Variants in PIK3R1 observed in about 807,000 individuals in gnomAD.
PIK3R1 encodes phosphoinositide-3-kinase regulatory subunit 1.
A neutral mutation model predicts 98.0 loss-of-function variants in PIK3R1; 29 were observed. The observed-to-expected ratio is 0.30, with a 90% CI of 0.22 to 0.40. PIK3R1 has a LOEUF of 0.40. Among genes scored for constraint, PIK3R1 ranks in the 10% least tolerant of loss-of-function variants. The pLI is 1.00. For missense variants in PIK3R1, 596 were observed against 872.7 expected, an observed-to-expected ratio of 0.68 and a Z score of 3.99; for synonymous variants, 282 against 311.8, an observed-to-expected ratio of 0.90 and a Z score of 1.01.
intron 2 of PIK3R1, among the ~76,000 whole-genome samples, chr5:68,231,029 AG>A (rs1744451364): frequency 6.6e-6 from 1 of 152,190 alleles, no homozygotes; most frequent in Non-Finnish European, 1.5e-5. Flanking sequence ...CCATTCAGCC[AG>A]GGTCCTGTAT....
At chr5:68,230,606 A>G (rs1157001573) in intron 2 of PIK3R1, among the ~76,000 whole-genome samples, 1 of 151,922 alleles carries the variant, frequency 6.6e-6, no homozygotes, top group African/African-American at 2.4e-5. Context: ...AGAACTCTTT[A>G]TTTTCTTCCC....
intron 2 of PIK3R1, among the ~76,000 whole-genome samples, chr5:68,236,956 A>G (rs1478867605): frequency 2.0e-5 from 3 of 152,252 alleles, no homozygotes; most frequent in Admixed American, 6.5e-5. Flanking sequence ...TTTTCTCAGG[A>G]AGAAATACAC....
chr5:68,255,192 C>T lies in PIK3R1; in HGVS notation c.335-18198C>T, dbSNP rs188225248. ...ATGACCAAAGGAGAATTGTTTCAGT[C>T]CCTGATTTGCAAAGTACTCACTTTT... On this transcript the variant is annotated intron_variant, in intron 2 of 15. Transcript: ENST00000521381. 5.9e-5 allele frequency among the ~76,000 whole-genome samples: 9 copies of T among 152,320 alleles called. No individual in the cohort carries two copies. The East Asian group carries it at 1.5e-3, about 26-fold the overall frequency.
Position 68,300,120 on chromosome 5 carries a change from T to C in PIK3R1, c.*2519T>C. 1 of 233,162 alleles carries C rather than the reference T, an allele frequency of 4.3e-6. No individual in the cohort carries two copies. The highest frequency in any genetic ancestry group is 5.6e-5 in the Admixed American group (1 of 17,782). 14.4% of individuals were successfully genotyped at this position (233,162 alleles called of 1,614,324 possible). A position where few individuals can be genotyped will look rare whatever the true frequency, so the allele number is the denominator to read the frequency against. ...GCTACAGTTTTGTGAATCTTTGTGC[T>C]TCAACATTCTTTGCAAGATGATACG... On this transcript the variant is annotated 3_prime_UTR_variant, in exon 16 of 16. Transcript: ENST00000521381.
intron 2 of PIK3R1, among the ~76,000 whole-genome samples, chr5:68,267,048 C>G (rs1746148663): frequency 6.6e-6 from 1 of 152,118 alleles, no homozygotes; most frequent in South Asian, 2.1e-4. Flanking sequence ...TCATTGGCTT[C>G]AAAAATCCTG....
At chr5:68,290,687 C>A in intron 7 of PIK3R1, 1 of 1,584,282 alleles carries the variant, frequency 6.3e-7, no homozygotes, top group South Asian at 1.2e-5. Context: ...AAGCCGGACT[C>A]TTTTCTTATA....
rs1030937090 is a variant in PIK3R1 at position 68,299,510 on chromosome 5, A to G, written c.*1909A>G. 8 of 233,212 alleles carry G rather than the reference A, an allele frequency of 3.4e-5. No individual in the cohort carries two copies. In the East Asian group the frequency reaches 4.2e-4, roughly 12 times the overall value. The allele number at this position is 233,212 out of a possible 1,614,324, so 14.4% of individuals were successfully genotyped here. ...AGAGGTCTCTCTTCCTGATTTAGATATGCAAAAGCTGGTATGTTCAGTAGG... is the reference window on the plus strand; with the variant it reads ...AGAGGTCTCTCTTCCTGATTTAGATGTGCAAAAGCTGGTATGTTCAGTAGG... On this transcript the variant is annotated 3_prime_UTR_variant, in exon 16 of 16. Coordinates refer to ENST00000521381, the MANE Select transcript of PIK3R1 (RefSeq NM_181523.3).
At chr5:68,254,567 G>A (rs1427278644) in intron 2 of PIK3R1, among the ~76,000 whole-genome samples, 2 of 152,202 alleles carry the variant, frequency 1.3e-5, no homozygotes, top group Non-Finnish European at 2.9e-5. Flanking sequence ...TCAATAAACA[G>A]TGACCTCATG....
intron 2 of PIK3R1, among the ~76,000 whole-genome samples, chr5:68,253,973 C>T (rs530102246): frequency 1.4e-5 from 2 of 140,924 alleles, no homozygotes; most frequent in East Asian, 4.2e-4. Context: ...TTTATTTTCC[C>T]GTGGACCCCC....
intron 2 of PIK3R1, among the ~76,000 whole-genome samples, chr5:68,245,098 T>A (rs983872613): frequency 2.0e-5 from 3 of 152,220 alleles, no homozygotes; most frequent in African/African-American, 7.2e-5. Flanking sequence ...GATTTCAACA[T>A]TGGAAAAGAA....
intron 2 of PIK3R1, among the ~76,000 whole-genome samples, chr5:68,243,951 G>C (rs978256553): frequency 1.3e-5 from 2 of 152,116 alleles, no homozygotes; most frequent in Non-Finnish European, 2.9e-5. Context: ...TAGGTATTCT[G>C]TTCTCTTACA....
intron 2 of PIK3R1, among the ~76,000 whole-genome samples, chr5:68,256,079 C>T (rs537066990): frequency 2.3e-4 from 35 of 152,156 alleles, no homozygotes; most frequent in Admixed American, 4.6e-4. Flanking sequence ...TTCAAAGCAA[C>T]CTTGATTCCT....
At chr5:68,292,180 A>T (rs1580259927) in intron 7 of PIK3R1, 79 bp from the exon 8 acceptor site, 2 of 804,966 alleles carry the variant, frequency 2.5e-6, no homozygotes, top group Admixed American at 2.4e-5. Flanking sequence ...TTATTTTTTT[A>T]AAGTAAAAGT....
rs964471603 is a variant in PIK3R1, at chr5:68,301,288, C to T, written c.*3687C>T. 54 of 180,694 alleles carry T rather than the reference C, an allele frequency of 3.0e-4. No homozygotes were observed. The highest frequency in any genetic ancestry group is 1.2e-3 in the African/African-American group (49 of 40,358). The allele number at this position is 180,694 out of a possible 1,614,324, so 11.2% of individuals were successfully genotyped here. On this transcript the variant is annotated 3_prime_UTR_variant, in exon 16 of 16. Coordinates refer to ENST00000521381, the MANE Select transcript of PIK3R1 (RefSeq NM_181523.3). Reference sequence around the variant, plus strand: ...AATTGAGTCAATTGGAAAGACTATCCAACTTAACATGAAACTTGTCACCAT... The same window carrying T: ...AATTGAGTCAATTGGAAAGACTATCTAACTTAACATGAAACTTGTCACCAT...
chr5:68,230,894 AGT>A (rs1250859093), intron 2 of PIK3R1, among the ~76,000 whole-genome samples: 3 of 152,180 alleles, frequency 2.0e-5, no homozygotes, highest in Non-Finnish European at 4.4e-5. Flanking sequence ...TTGGATAAAG[AGT>A]GTGCTGGGTG....
rs1747917481 is a variant in PIK3R1 at position 68,299,431 on chromosome 5, T to C, written c.*1830T>C. ...ATTCTAATCATTGTATGTGCTTCAC[T>C]ACGGGGGGGAGAAGGAAACGTTAGC... On this transcript the variant is annotated 3_prime_UTR_variant, in exon 16 of 16. Transcript: ENST00000521381. 3 of 233,380 alleles carry C rather than the reference T, an allele frequency of 1.3e-5. No homozygotes were observed. The highest frequency in any genetic ancestry group is 2.2e-5 in the African/African-American group (1 of 45,322). 14.5% of individuals were successfully genotyped at this position (233,380 alleles called of 1,614,324 possible). A position where few individuals can be genotyped will look rare whatever the true frequency, so the allele number is the denominator to read the frequency against.
At chr5:68,229,273 A>G (rs1212783310) in intron 2 of PIK3R1, among the ~76,000 whole-genome samples, 1 of 152,204 alleles carries the variant, frequency 6.6e-6, no homozygotes, top group Non-Finnish European at 1.5e-5. Context: ...GAAAGTAGTT[A>G]TAAGGACAAA....
chr5:68,280,857 T>C (rs1316059351), intron 6 of PIK3R1, 70 bp from the exon 7 acceptor site: 3 of 1,248,720 alleles, frequency 2.4e-6, no homozygotes, highest in African/African-American at 1.5e-5. Context: ...ACACATTCAC[T>C]TGAGTGTATA....
At chr5:68,288,381 G>T in intron 7 of PIK3R1, 1 of 1,131,364 alleles carries the variant, frequency 8.8e-7, no homozygotes, top group South Asian at 3.6e-5. Flanking sequence ...TTTATCTAAG[G>T]GAGACGTGCG....
Sources: allele counts gnomAD v4.1 joint callset (sites outside exome capture counted in the v4.1 genomes callset), GRCh38; gene constraint gnomAD v4.1.1; transcripts MANE v1.5; gene names NCBI Gene and HGNC (gene_info 2026-07-23, HGNC 2026-07-21).